Variants in CDK17 observed in about 807,000 individuals in gnomAD.
The protein encoded by CDK17 is cyclin dependent kinase 17, also known as cyclin-dependent kinase 17.
A neutral mutation model predicts 77.6 loss-of-function variants in CDK17; 24 were observed. That is an observed-to-expected ratio of 0.31 (90% CI 0.22 to 0.44). The LOEUF (loss-of-function observed/expected upper bound fraction) is 0.44. CDK17 is among the 20% of genes least tolerant of loss of function. The pLI is 1.00. For missense variants in CDK17, 429 were observed against 622.5 expected, an observed-to-expected ratio of 0.69 and a Z score of 3.31; for synonymous variants, 203 against 210.4, an observed-to-expected ratio of 0.96 and a Z score of 0.30.
chr12:96,375,962 T>C (rs1353394793), intron 1 of CDK17, among the ~76,000 whole-genome samples: 11 of 152,208 alleles, frequency 7.2e-5, no homozygotes, highest in South Asian at 2.1e-4. Flanking sequence ...AGAGAATGCA[T>C]TGTCTTTGCA....
At chr12:96,367,090 A>G (rs1953597730) in intron 1 of CDK17, among the ~76,000 whole-genome samples, 1 of 152,084 alleles carries the variant, frequency 6.6e-6, no homozygotes, top group Non-Finnish European at 1.5e-5. Flanking sequence ...CACGTCTGTA[A>G]TCCCAGCACT....
intron 1 of CDK17, among the ~76,000 whole-genome samples, chr12:96,368,464 C>T (rs1405099142): frequency 6.6e-6 from 1 of 152,134 alleles, no homozygotes; most frequent in Non-Finnish European, 1.5e-5. Flanking sequence ...ATGTGCTCTG[C>T]AGCTGGCCAG....
chr12:96,340,486 G>A (rs925418798), intron 1 of CDK17, among the ~76,000 whole-genome samples: 4 of 152,002 alleles, frequency 2.6e-5, no homozygotes, highest in South Asian at 4.1e-4. Context: ...AAGTTACAAT[G>A]ATTTGTAAAC....
At position 96,286,155 on chromosome 12, in the gene CDK17, T is replaced by TAAA; in HGVS notation, c.1217-10_1217-8dup. ...GTTTCCTGAGATGGAGTTCCTGAAT[T>TAAA]AAAAAAAAAAATTAAATATATTTAT... On this transcript the variant is annotated splice_polypyrimidine_tract_variant and splice_region_variant and intron_variant, in intron 12 of 16. Coordinates refer to ENST00000261211, the MANE Select transcript of CDK17 (RefSeq NM_002595.5). The TAAA allele has an allele frequency of 1.1e-6, 1 of 915,836 alleles. No homozygotes were observed. The highest frequency in any genetic ancestry group is 1.5e-6 in the Non-Finnish European group (1 of 665,638). The allele number at this position is 915,836 out of a possible 1,614,324, so 56.7% of individuals were successfully genotyped here. A position where few individuals can be genotyped will look rare whatever the true frequency, so the allele number is the denominator to read the frequency against.
At chr12:96,295,936 C>T (rs1255458478) in intron 9 of CDK17, among the ~76,000 whole-genome samples, 4 of 152,090 alleles carry the variant, frequency 2.6e-5, no homozygotes, top group Admixed American at 6.6e-5. Flanking sequence ...CAAGAGTTTC[C>T]CCTCAGTTCA....
In CDK17 at chr12:96,283,599, T is replaced by G; in HGVS notation, c.1365+4A>C. ...TTTAACAATTACTGTAAGAACTGAC[T>G]TACCTGAAGAAATTTTGTTATCAAC... is the stretch of plus-strand genomic sequence containing the variant. On this transcript the variant is annotated splice_donor_region_variant and intron_variant, in intron 14 of 16. Transcript: ENST00000261211. 1.3e-6 allele frequency: 2 copies of G among 1,581,104 alleles called. No homozygotes were observed. The highest frequency in any genetic ancestry group is 2.7e-5 in the African/African-American group (2 of 74,332).
At chr12:96,299,820 A>G (rs1382064845) in intron 6 of CDK17, among the ~76,000 whole-genome samples, 3 of 152,178 alleles carry the variant, frequency 2.0e-5, no homozygotes, top group East Asian at 3.8e-4. Flanking sequence ...CCTATTAACT[A>G]TTGTTTTCTT....
At position 96,317,343 on chromosome 12, in the gene CDK17, C is replaced by G. The variant is rs1418123173; in HGVS notation, c.284-3889G>C. Among the ~76,000 whole-genome samples the G allele has an allele frequency of 4.8e-3, 547 of 114,170 alleles. 2 individuals are homozygous for G. Among genetic ancestry groups the G allele is most frequent in the Non-Finnish European group, 7.4e-3 (403 of 54,776 alleles). 74.9% of individuals were successfully genotyped at this position (114,170 alleles called of 152,430 possible). On this transcript the variant is annotated intron_variant, in intron 3 of 16. Transcript: ENST00000261211. ...CTGATTGGTGTACCTGAAAGTGATGCGGAGAATGGAACCAAGTTGGAAAAC... is the reference window on the plus strand; with the variant it reads ...CTGATTGGTGTACCTGAAAGTGATGGGGAGAATGGAACCAAGTTGGAAAAC...
chr12:96,346,553 G>A (rs140264711), intron 1 of CDK17, among the ~76,000 whole-genome samples: 10 of 151,922 alleles, frequency 6.6e-5, no homozygotes, highest in East Asian at 5.8e-4. Flanking sequence ...GCTTGAATCC[G>A]AGAAGCGCAG....
chr12:96,383,525 T>A (rs1334997100), intron 1 of CDK17, among the ~76,000 whole-genome samples: 1 of 151,606 alleles, frequency 6.6e-6, no homozygotes, highest in Non-Finnish European at 1.5e-5. Context: ...AACTAAACTG[T>A]AGGGCTAAAG....
intron 10 of CDK17, among the ~76,000 whole-genome samples, chr12:96,291,128 A>G (rs968849677): frequency 2.0e-4 from 31 of 151,586 alleles, no homozygotes; most frequent in Admixed American, 1.8e-3. Flanking sequence ...CAACCAAAAA[A>G]AAAAAAAAAA....
At chr12:96,368,584 C>T (rs1007108732) in intron 1 of CDK17, among the ~76,000 whole-genome samples, 13 of 152,104 alleles carry the variant, frequency 8.5e-5, no homozygotes, top group Admixed American at 3.3e-4. Flanking sequence ...CATTCTTAGA[C>T]GGCATTTTCA....
rs552055258 is a variant in CDK17 at position 96,367,115 on chromosome 12, C to T, written c.-29-32250G>A. On this transcript the variant is annotated intron_variant, in intron 1 of 16. Coordinates refer to ENST00000261211, the MANE Select transcript of CDK17 (RefSeq NM_002595.5). Reference sequence around the variant, plus strand: ...ATCCCAGCACTTTGGGAGGCCGAGGCGGGCGGATCATGAGGTGAGGAGTTC... The same window carrying T: ...ATCCCAGCACTTTGGGAGGCCGAGGTGGGCGGATCATGAGGTGAGGAGTTC... 1.6e-4 allele frequency among the ~76,000 whole-genome samples: 25 copies of T among 151,886 alleles called. 1 individual carries two copies. Among genetic ancestry groups the T allele is most frequent in the African/African-American group, 5.3e-4 (22 of 41,442 alleles).
In CDK17 at chr12:96,286,694, C is replaced by T. The variant is rs1952250863; in HGVS notation, c.1186G>A (p.Asp396Asn). The change falls in exon 12 of 17, where the codon GAT (aspartate) becomes AAT (asparagine). Residue 396 changes from aspartate (D) to asparagine (N), a missense_variant. Physicochemically the swap from Asp to Asn is conservative, Grantham distance 23. Coordinates refer to ENST00000261211, the MANE Select transcript of CDK17 (RefSeq NM_002595.5). Reference sequence around the variant, plus strand: ...AGTCGGAAAATTAAGTGCAGTTCATCTTCCACGGTTGATCCTGGAAATAAA... The same window carrying T: ...AGTCGGAAAATTAAGTGCAGTTCATTTTCCACGGTTGATCCTGGAAATAAA... ...RPLFPGSTVE[D>N]ELHLIFRLLG... 1.2e-6 allele frequency: 2 copies of T among 1,613,264 alleles called. No individual in the cohort carries two copies. The highest frequency in any genetic ancestry group is 2.2e-5 in the East Asian group (1 of 44,834).
At chr12:96,373,134 T>C (rs1953719191) in intron 1 of CDK17, among the ~76,000 whole-genome samples, 1 of 152,110 alleles carries the variant, frequency 6.6e-6, no homozygotes, top group South Asian at 2.1e-4. Context: ...TGATAAAGAG[T>C]TTATAGCACA....
intron 5 of CDK17, among the ~76,000 whole-genome samples, chr12:96,307,287 C>T (rs562946234): frequency 2.8e-4 from 42 of 152,000 alleles, no homozygotes; most frequent in South Asian, 1.2e-3. Context: ...AAAAGTGAAA[C>T]TCTGTCTCAA....
In CDK17 at chr12:96,363,226, G is replaced by C. The variant is rs534794074; in HGVS notation, c.-29-28361C>G. ...AGCACTTTGGGAGGCCGAGACGGGAGGGTCACCTGAGGTCAGGAGTTCAAG... is the reference window on the plus strand; with the variant it reads ...AGCACTTTGGGAGGCCGAGACGGGACGGTCACCTGAGGTCAGGAGTTCAAG... On this transcript the variant is annotated intron_variant, in intron 1 of 16. Coordinates refer to ENST00000261211, the MANE Select transcript of CDK17 (RefSeq NM_002595.5). Among the ~76,000 whole-genome samples, 31 of 149,652 alleles carry C rather than the reference G, an allele frequency of 2.1e-4. No individual in the cohort carries two copies. In the East Asian group the frequency reaches 6.1e-3, roughly 29 times the overall value.
intron 5 of CDK17, among the ~76,000 whole-genome samples, chr12:96,302,372 A>G (rs762171287): frequency 6.6e-6 from 1 of 152,078 alleles, no homozygotes; most frequent in Non-Finnish European, 1.5e-5. Flanking sequence ...CTCCATAAAA[A>G]AGGCTACTTG....
chr12:96,367,007 C>T (rs1360072740), intron 1 of CDK17, among the ~76,000 whole-genome samples: 1 of 152,056 alleles, frequency 6.6e-6, no homozygotes, highest in Non-Finnish European at 1.5e-5. Context: ...TCCTCCAAGT[C>T]AAGCACGGAG....
Sources: gnomAD v4.1 joint callset for allele counts (sites outside exome capture counted in the v4.1 genomes callset) on GRCh38, gnomAD v4.1.1 for gene constraint, MANE v1.5 for transcripts, NCBI Gene and HGNC (gene_info 2026-07-23, HGNC 2026-07-21) for gene names.